Variants in MTPN observed in about 807,000 individuals in gnomAD.
MTPN encodes the protein granule cell differentiation protein.
A neutral mutation model predicts 13.5 loss-of-function variants in MTPN; 2 were observed. The ratio of observed to expected loss-of-function variants is 0.15; its 90% CI spans 0.06 to 0.47. The LOEUF is 0.47. Ranked by LOEUF, MTPN falls within the 20% of genes least tolerant of loss-of-function variation. The pLI, the probability that MTPN is intolerant of heterozygous loss-of-function variation, is 0.97. For missense variants in MTPN, 79 were observed against 137.9 expected (o/e 0.57, Z 2.14); for synonymous variants, 46 against 51.7 (o/e 0.89, Z 0.48).
intron 3 of MTPN, among the ~76,000 whole-genome samples, chr7:135,930,654 T>C (rs552892682): frequency 1.3e-5 from 2 of 152,288 alleles, no homozygotes; most frequent in East Asian, 3.9e-4. Flanking sequence ...AGAGTGTGTA[T>C]GTGCCCTTTT....
At chr7:135,962,919 T>C (rs1348619766) in intron 1 of MTPN, among the ~76,000 whole-genome samples, 1 of 152,080 alleles carries the variant, frequency 6.6e-6, no homozygotes, top group African/African-American at 2.4e-5. Context: ...ACTCTTTGTT[T>C]GATCTGTAAG....
chr7:135,941,285 G>A (rs1799205689), intron 3 of MTPN, among the ~76,000 whole-genome samples: 1 of 144,150 alleles, frequency 6.9e-6, no homozygotes, highest in Admixed American at 6.9e-5. Flanking sequence ...GATGTCAAGT[G>A]ATTTACTAGC....
At chr7:135,955,328 TGA>T (rs1799425596) in intron 1 of MTPN, among the ~76,000 whole-genome samples, 1 of 151,554 alleles carries the variant, frequency 6.6e-6, no homozygotes, top group Non-Finnish European at 1.5e-5. Context: ...AACAGAAAAA[TGA>T]GAGGAATCAC....
At chr7:135,950,543 A>G in intron 3 of MTPN, 56 bp downstream of exon 3, 1 of 1,318,810 alleles carries the variant, frequency 7.6e-7, no homozygotes, top group South Asian at 1.2e-5. Flanking sequence ...TAACAATCAA[A>G]TACTTGGCTT....
At chr7:135,944,728 TTC>T (rs1280283138) in intron 3 of MTPN, among the ~76,000 whole-genome samples, 2 of 152,200 alleles carry the variant, frequency 1.3e-5, no homozygotes, top group African/African-American at 4.8e-5. Context: ...CTACTATTAT[TTC>T]TCTTACAGAA....
At chr7:135,975,665 T>C (rs1799763254) in intron 1 of MTPN, among the ~76,000 whole-genome samples, 1 of 152,230 alleles carries the variant, frequency 6.6e-6, no homozygotes, top group Non-Finnish European at 1.5e-5. Context: ...TTCCAGAGTA[T>C]TGCAGTGTCC....
chr7:135,939,576 CGGGGG>C (rs71174561), intron 3 of MTPN, among the ~76,000 whole-genome samples: 2 of 4,730 alleles, frequency 4.2e-4, no homozygotes, highest in Non-Finnish European at 1.2e-3. Flanking sequence ...AAAATGGGGG[CGGGGG>C]GGGGGGGCGG....
At chr7:135,955,409 T>C (rs952114314) in intron 1 of MTPN, among the ~76,000 whole-genome samples, 8 of 152,120 alleles carry the variant, frequency 5.3e-5, no homozygotes, top group African/African-American at 1.9e-4. Flanking sequence ...AGAGCGAAGA[T>C]ACAAAGTGCC....
intron 3 of MTPN, among the ~76,000 whole-genome samples, chr7:135,947,099 A>T (rs896565210): frequency 6.6e-6 from 1 of 152,124 alleles, no homozygotes; most frequent in African/African-American, 2.4e-5. Context: ...CTTATTTTTT[A>T]AAAACTTCAG....
chr7:135,976,990 A>C (rs1799785621), intron 1 of MTPN, 39 bp downstream of exon 1: 1 of 1,306,460 alleles, frequency 7.7e-7, no homozygotes. Context: ...TCTCCAGCCC[A>C]CCTCCGTGTT....
intron 1 of MTPN, among the ~76,000 whole-genome samples, chr7:135,972,083 TCA>T (rs1166873810): frequency 6.6e-6 from 1 of 152,246 alleles, no homozygotes; most frequent in East Asian, 1.9e-4. Context: ...TTGTCTTCAT[TCA>T]CAGTCAGAGC....
In MTPN at chr7:135,938,424, G is replaced by A. The variant is rs1799149884; in HGVS notation, c.271-8412C>T. Among the ~76,000 whole-genome samples the A allele has an allele frequency of 2.6e-5, 4 of 152,188 alleles. No individual in the cohort carries two copies. In the South Asian group the frequency reaches 8.3e-4, roughly 32 times the overall value. ...CAAAACAAATATCTGAAAGGACTAA[G>A]ACTGCAGTTGAGGATTAAAGTCAAT... On this transcript the variant is annotated intron_variant, in intron 3 of 3. Transcript: ENST00000393085.
intron 1 of MTPN, among the ~76,000 whole-genome samples, chr7:135,972,231 G>GCGCGCACA (rs779296906): frequency 7.2e-5 from 9 of 124,718 alleles, no homozygotes; most frequent in Non-Finnish European, 1.2e-4. Context: ...GCACGCGCGC[G>GCGCGCACA]CACACACACA....
At chr7:135,943,827 CT>C (rs1584809320) in intron 3 of MTPN, among the ~76,000 whole-genome samples, 1 of 152,200 alleles carries the variant, frequency 6.6e-6, no homozygotes, top group Non-Finnish European at 1.5e-5. Flanking sequence ...TTTGGGCTTT[CT>C]CCTCTCAGGT....
chr7:135,966,951 G>A (rs573462531), intron 1 of MTPN, among the ~76,000 whole-genome samples: 1 of 152,264 alleles, frequency 6.6e-6, no homozygotes, highest in African/African-American at 2.4e-5. Flanking sequence ...GTAGCTTAAA[G>A]ATCTGAAGAC....
rs1319110665 is a variant in MTPN at position 135,929,908 on chromosome 7, T to TA, written c.*17dup. 6.2e-7 allele frequency: 1 copy of TA among 1,612,542 alleles called. No homozygotes were observed. Among genetic ancestry groups the TA allele is most frequent in the Non-Finnish European group, 8.5e-7 (1 of 1,178,690 alleles). On this transcript the variant is annotated 3_prime_UTR_variant, in exon 4 of 4. Coordinates refer to ENST00000393085, the MANE Select transcript of MTPN (RefSeq NM_145808.4). ...CACAGGAGAGTCATTCTTCCGGAGT[T>TA]ATCAGTCCATCCATCCATCACTGGA...
intron 1 of MTPN, among the ~76,000 whole-genome samples, chr7:135,957,225 C>T (rs979990343): frequency 1.3e-5 from 2 of 152,038 alleles, no homozygotes; most frequent in African/African-American, 4.8e-5. Flanking sequence ...AACACTACTA[C>T]TTCATAGTAT....
At chr7:135,951,470 C>A in intron 2 of MTPN, 47 bp downstream of exon 2, 2 of 1,175,828 alleles carry the variant, frequency 1.7e-6, no homozygotes, top group Admixed American at 1.9e-5. Context: ...TTACCCATAG[C>A]ATATTAACAG....
At chr7:135,941,120 T>C (rs1799202811) in intron 3 of MTPN, among the ~76,000 whole-genome samples, 2 of 152,238 alleles carry the variant, frequency 1.3e-5, no homozygotes, top group South Asian at 4.1e-4. Flanking sequence ...AAAATGTTTG[T>C]TGCCCACTGT....
Sources: gnomAD v4.1 joint callset for allele counts (sites outside exome capture counted in the v4.1 genomes callset) on GRCh38, gnomAD v4.1.1 for gene constraint, MANE v1.5 for transcripts, NCBI Gene and HGNC (gene_info 2026-07-23, HGNC 2026-07-21) for gene names.